FGF2: variants seen among roughly 807,000 people sequenced by gnomAD.
FGF2 encodes the protein fibroblast growth factor 2, also known as basic fibroblast growth factor bFGF.
Under a neutral mutation model 15.9 loss-of-function variants are expected in FGF2, and 13 were observed. The ratio of observed to expected loss-of-function variants is 0.82; its 90% CI spans 0.53 to 1.30. The LOEUF (loss-of-function observed/expected upper bound fraction) is 1.30. FGF2 is among the 50% of genes most tolerant of loss of function. The pLI is 0.00. For synonymous variants in FGF2, 90 were observed against 78.4 expected (o/e 1.15, Z -0.78); for missense variants, 163 against 196.9 (o/e 0.83, Z 1.03).
Position 122,876,347 on chromosome 4 carries a change from AGAG to A in FGF2, c.209_211del (p.Gly70del). ...CAAGCTACAACTTCAAGCAGAAGAGAGAGGAGTTGTGTCTATCAAAGGAGTGTG... is the reference window on the plus strand; with the variant it reads ...CAAGCTACAACTTCAAGCAGAAGAGAGAGTTGTGTCTATCAAAGGAGTGTG... On this transcript the variant is annotated inframe_deletion, in exon 2 of 3. Coordinates refer to ENST00000644866, the MANE Select transcript of FGF2 (RefSeq NM_001361665.2). The A allele has an allele frequency of 6.2e-7, 1 of 1,612,586 alleles. No individual in the cohort carries two copies. The highest frequency in any genetic ancestry group is 8.5e-7 in the Non-Finnish European group (1 of 1,178,856).
At chr4:122,836,221 A>T (rs1338543259) in intron 1 of FGF2, among the ~76,000 whole-genome samples, 2 of 152,194 alleles carry the variant, frequency 1.3e-5, no homozygotes, top group Non-Finnish European at 2.9e-5. Context: ...CACAGTGGCC[A>T]CTCAAAGAAT....
At chr4:122,842,991 A>G (rs1467385539) in intron 1 of FGF2, among the ~76,000 whole-genome samples, 2 of 152,218 alleles carry the variant, frequency 1.3e-5, no homozygotes, top group African/African-American at 2.4e-5. Flanking sequence ...ACCACAAAGT[A>G]CCACTATATT....
chr4:122,844,837 A>G (rs928504683), intron 1 of FGF2, among the ~76,000 whole-genome samples: 9 of 151,932 alleles, frequency 5.9e-5, no homozygotes, highest in African/African-American at 1.5e-4. Flanking sequence ...GGGTCTCACT[A>G]TGTTACCCAG....
chr4:122,827,409 C>G lies in FGF2; in HGVS notation c.178+57C>G, dbSNP rs373341357. On this transcript the variant is annotated intron_variant, in intron 1 of 2. Coordinates refer to ENST00000644866, the MANE Select transcript of FGF2 (RefSeq NM_001361665.2). The surrounding 1 kb of genome is among the most constrained non-coding windows in gnomAD (Gnocchi z 4.2). ...TCCATTTCGTGGGTTCTCGCCCGCT[C>G]TCTCCCCTCCAGCCTGCACCCTCCT... The G allele has an allele frequency of 1.2e-5, 19 of 1,581,096 alleles. No individual in the cohort carries two copies. The East Asian group carries it at 1.3e-4, about 11-fold the overall frequency.
chr4:122,880,906 C>A (rs943347592), intron 2 of FGF2, among the ~76,000 whole-genome samples: 1 of 152,206 alleles, frequency 6.6e-6, no homozygotes, highest in Non-Finnish European at 1.5e-5. Flanking sequence ...CCCAACCCTG[C>A]GCAAACTTCT....
At chr4:122,864,546 G>T (rs533413933) in intron 1 of FGF2, among the ~76,000 whole-genome samples, 8 of 152,230 alleles carry the variant, frequency 5.3e-5, no homozygotes, top group East Asian at 1.9e-4. Flanking sequence ...TTTACAGTTG[G>T]TTTATTCTCC....
chr4:122,869,346 A>G (rs1176581267), intron 1 of FGF2, among the ~76,000 whole-genome samples: 2 of 152,188 alleles, frequency 1.3e-5, no homozygotes, highest in African/African-American at 4.8e-5. Context: ...TATGAAATTT[A>G]AAATAGTTTT....
Position 122,827,422 on chromosome 4 carries a change from C to T in FGF2, c.178+70C>T, listed in dbSNP as rs1725666374. ...TTCTCGCCCGCTCTCTCCCCTCCAG[C>T]CTGCACCCTCCTCCCGGATCTTCAC... On this transcript the variant is annotated intron_variant, in intron 1 of 2. Coordinates refer to ENST00000644866, the MANE Select transcript of FGF2 (RefSeq NM_001361665.2). The surrounding 1 kb of genome is among the most constrained non-coding windows in gnomAD (Gnocchi z 4.2). 6.6e-7 allele frequency: 1 copy of T among 1,523,918 alleles called. No individual in the cohort carries two copies. The highest frequency in any genetic ancestry group is 9.1e-7 in the Non-Finnish European group (1 of 1,103,764). The allele number at this position is 1,523,918 out of a possible 1,614,324, so 94.4% of individuals were successfully genotyped here. A position where few individuals can be genotyped will look rare whatever the true frequency, so the allele number is the denominator to read the frequency against.
intron 2 of FGF2, among the ~76,000 whole-genome samples, chr4:122,883,899 G>C (rs971940037): frequency 5.9e-5 from 9 of 152,142 alleles, no homozygotes; most frequent in Non-Finnish European, 1.3e-4. Context: ...TGTAATTTCT[G>C]TAAAAGTAAA....
intron 1 of FGF2, among the ~76,000 whole-genome samples, chr4:122,859,958 GTCT>G (rs1484094839): frequency 6.6e-6 from 1 of 152,094 alleles, no homozygotes; most frequent in African/African-American, 2.4e-5. Flanking sequence ...GATACTGAAG[GTCT>G]TCTTGAAGGT....
chr4:122,828,454 C>T (rs1260353362), intron 1 of FGF2, among the ~76,000 whole-genome samples: 1 of 152,168 alleles, frequency 6.6e-6, no homozygotes, highest in Non-Finnish European at 1.5e-5. Context: ...GCGTTCCTTC[C>T]TTTATGGGTT....
intron 1 of FGF2, among the ~76,000 whole-genome samples, chr4:122,829,000 A>C (rs1201939974): frequency 3.9e-5 from 6 of 152,208 alleles, no homozygotes; most frequent in Non-Finnish European, 7.3e-5. Context: ...AGAAGACAGA[A>C]GAATTTCCCT....
Position 122,835,077 on chromosome 4 carries a change from A to G in FGF2, c.178+7725A>G, listed in dbSNP as rs142337697. Among the ~76,000 whole-genome samples the G allele has an allele frequency of 1.1e-4, 17 of 152,276 alleles. No homozygotes were observed. In the South Asian group the frequency reaches 1.7e-3, roughly 15 times the overall value. ...CCCCTATTATTTCATCTTCAGCCCA[A>G]TGAATTATCAGTAAGCACCCATTGC... On this transcript the variant is annotated intron_variant, in intron 1 of 2. Coordinates refer to ENST00000644866, the MANE Select transcript of FGF2 (RefSeq NM_001361665.2).
In FGF2 at chr4:122,827,050, G is replaced by A. The variant is rs2150758060; in HGVS notation, c.-125G>A. 1 of 1,123,884 alleles carries A rather than the reference G, an allele frequency of 8.9e-7. No individual in the cohort carries two copies. The highest frequency in any genetic ancestry group is 4.8e-5 in the East Asian group (1 of 20,894). The allele number at this position is 1,123,884 out of a possible 1,614,324, so 69.6% of individuals were successfully genotyped here. A position where few individuals can be genotyped will look rare whatever the true frequency, so the allele number is the denominator to read the frequency against. ...CGCGGCCGCGCGCTGCCGGGCGGGAGGCTGGGGGGCCGGGGCCGGGGCCGT... is the reference window on the plus strand; with the variant it reads ...CGCGGCCGCGCGCTGCCGGGCGGGAAGCTGGGGGGCCGGGGCCGGGGCCGT... On this transcript the variant is annotated 5_prime_UTR_variant, in exon 1 of 3. Transcript: ENST00000644866. The surrounding 1 kb of genome is among the most constrained non-coding windows in gnomAD (Gnocchi z 4.2).
At position 122,893,279 on chromosome 4, in the gene FGF2, TATC is replaced by T. The variant is rs1185617908; in HGVS notation, c.*888_*890del. The T allele has an allele frequency of 3.8e-5, 57 of 1,488,754 alleles. No individual in the cohort carries two copies. In the African/African-American group the frequency reaches 4.9e-4, roughly 13 times the overall value. 92.2% of individuals were successfully genotyped at this position (1,488,754 alleles called of 1,614,324 possible). A position where few individuals can be genotyped will look rare whatever the true frequency, so the allele number is the denominator to read the frequency against. On this transcript the variant is annotated 3_prime_UTR_variant, in exon 3 of 3. Coordinates refer to ENST00000644866, the MANE Select transcript of FGF2 (RefSeq NM_001361665.2). Reference sequence around the variant, plus strand: ...ATAATAATTACACTTTTAGAAACTGTATCATCAAAGATTTTCAGTTAAAGTAGC... The same window carrying T: ...ATAATAATTACACTTTTAGAAACTGTATCAAAGATTTTCAGTTAAAGTAGC...
chr4:122,871,243 G>A (rs1001794400), intron 1 of FGF2, among the ~76,000 whole-genome samples: 5 of 151,980 alleles, frequency 3.3e-5, no homozygotes, highest in East Asian at 1.9e-4. Flanking sequence ...TTCCAAATAC[G>A]TGGTCGGTTT....
intron 1 of FGF2, among the ~76,000 whole-genome samples, chr4:122,860,310 T>C (rs1033356770): frequency 2.0e-5 from 3 of 152,180 alleles, no homozygotes; most frequent in African/African-American, 7.2e-5. Flanking sequence ...TGCTGAATTA[T>C]TTTCAATAGT....
intron 1 of FGF2, among the ~76,000 whole-genome samples, chr4:122,866,878 C>T (rs139936450): frequency 1.4e-4 from 21 of 152,256 alleles, no homozygotes; most frequent in East Asian, 7.7e-4. Flanking sequence ...ATCTTGTCTA[C>T]GAATGTTCAT....
At chr4:122,841,734 G>A (rs1462775248) in intron 1 of FGF2, among the ~76,000 whole-genome samples, 8 of 152,102 alleles carry the variant, frequency 5.3e-5, no homozygotes, top group South Asian at 4.1e-4. Flanking sequence ...TTGCTAGACC[G>A]TCCACCCAAC....
Sources: allele counts gnomAD v4.1 joint callset (sites outside exome capture counted in the v4.1 genomes callset), GRCh38; gene constraint gnomAD v4.1.1; non-coding constraint Gnocchi (gnomAD v3.1); transcripts MANE v1.5; gene names NCBI Gene and HGNC (gene_info 2026-07-23, HGNC 2026-07-21).